Variants in GRM7 observed in about 807,000 individuals in gnomAD.
GRM7 encodes the protein glutamate metabotropic receptor 7, also known as metabotropic glutamate receptor 7.
In GRM7, 35 loss-of-function variants were observed where a neutral mutation model predicts 84.5. The observed-to-expected ratio is 0.41, with a 90% CI of 0.32 to 0.55. The LOEUF (loss-of-function observed/expected upper bound fraction) is 0.55. Among genes scored for constraint, GRM7 ranks in the 20% least tolerant of loss-of-function variants. The pLI, the probability that GRM7 is intolerant of heterozygous loss-of-function variation, is 0.19. For missense variants in GRM7, 1,003 were observed against 1,194.6 expected (o/e 0.84, Z 2.36); for synonymous variants, 487 against 455.1 (o/e 1.07, Z -0.89).
intron 4 of GRM7, among the ~76,000 whole-genome samples, chr3:7,384,718 C>T (rs963371799): frequency 5.3e-5 from 8 of 152,092 alleles, no homozygotes; most frequent in South Asian, 2.1e-4. Context: ...AACAGCCACA[C>T]GGGGCTGGTG....
chr3:7,301,401 T>G (rs1237416283), intron 3 of GRM7, among the ~76,000 whole-genome samples: 1 of 152,212 alleles, frequency 6.6e-6, no homozygotes, highest in Non-Finnish European at 1.5e-5. Flanking sequence ...AAAAAATATC[T>G]GCTAATACCC....
chr3:7,122,482 A>G (rs1205049774), intron 1 of GRM7, among the ~76,000 whole-genome samples: 21 of 152,214 alleles, frequency 1.4e-4, no homozygotes, highest in Admixed American at 1.4e-3. Context: ...CAAATATTAA[A>G]AATTAATTAA....
chr3:7,401,551 G>A (rs1695453463), intron 4 of GRM7, among the ~76,000 whole-genome samples: 1 of 152,016 alleles, frequency 6.6e-6, no homozygotes, highest in Admixed American at 6.6e-5. Flanking sequence ...TCTGGCGGCA[G>A]ATTGAAGTTA....
intron 1 of GRM7, among the ~76,000 whole-genome samples, chr3:7,016,625 C>T (rs1409352031): frequency 1.3e-5 from 2 of 152,126 alleles, no homozygotes; most frequent in East Asian, 1.9e-4. Context: ...CTGTCAATAT[C>T]GGTTCCGTGG....
In GRM7 at chr3:7,073,614, C is replaced by T. The variant is rs116708410; in HGVS notation, c.520-72838C>T. On this transcript the variant is annotated intron_variant, in intron 1 of 9. Transcript: ENST00000357716. ...TATTTTAGAAAAAGAAACACTGCAT[C>T]TGTTGAACATAGAAACACCTGTTGC... is the stretch of plus-strand genomic sequence containing the variant. Among the ~76,000 whole-genome samples, 618 of 152,236 alleles carry T rather than the reference C, an allele frequency of 4.1e-3. 4 individuals are homozygous for T. Among genetic ancestry groups the T allele is most frequent in the African/African-American group, 0.014 (577 of 41,540 alleles).
At chr3:7,629,000 C>A (rs755895093) in intron 8 of GRM7, among the ~76,000 whole-genome samples, 2 of 152,112 alleles carry the variant, frequency 1.3e-5, no homozygotes, top group Non-Finnish European at 2.9e-5. Context: ...TCTACCTACT[C>A]CATCCTCAAA....
intron 1 of GRM7, among the ~76,000 whole-genome samples, chr3:7,000,633 C>G (rs1191087609): frequency 6.6e-6 from 1 of 152,190 alleles, no homozygotes; most frequent in African/African-American, 2.4e-5. Flanking sequence ...GAAGAATCCC[C>G]AGATCTTAGT....
At chr3:7,668,192 A>C (rs1245109576) in intron 8 of GRM7, among the ~76,000 whole-genome samples, 3 of 152,170 alleles carry the variant, frequency 2.0e-5, no homozygotes, top group African/African-American at 7.2e-5. Context: ...TACTGCAGGG[A>C]AAGTGTGTGC....
intron 7 of GRM7, chr3:7,520,184 C>T (rs1700541867): frequency 6.6e-6 from 1 of 152,086 alleles, no homozygotes; most frequent in African/African-American, 2.4e-5. Flanking sequence ...AGAGGAGTGT[C>T]ACTCATATAA....
intron 2 of GRM7, 133 bp from the exon 3 acceptor site, chr3:7,298,551 T>C (rs1353593292): frequency 4.3e-6 from 3 of 697,960 alleles, no homozygotes; most frequent in Admixed American, 2.7e-5. Context: ...TCTTATGCTG[T>C]CCTCGCTTAG....
chr3:7,348,649 C>T (rs754855191), intron 4 of GRM7, among the ~76,000 whole-genome samples: 6 of 152,134 alleles, frequency 3.9e-5, no homozygotes, highest in African/African-American at 7.2e-5. Flanking sequence ...GCTCCCACAT[C>T]CCTCAAAGAG....
intron 7 of GRM7, among the ~76,000 whole-genome samples, chr3:7,554,801 C>A (rs1478477010): frequency 6.6e-6 from 1 of 152,206 alleles, no homozygotes. Context: ...TATTGATGGA[C>A]AAAGTCCTAT....
chr3:7,209,135 A>G (rs985260739), intron 2 of GRM7, among the ~76,000 whole-genome samples: 2 of 152,218 alleles, frequency 1.3e-5, no homozygotes, highest in African/African-American at 2.4e-5. Context: ...ATTGTAAAAT[A>G]AAGTATTGAA....
chr3:7,063,686 A>C (rs1697513409), intron 1 of GRM7, among the ~76,000 whole-genome samples: 1 of 151,700 alleles, frequency 6.6e-6, no homozygotes, highest in Non-Finnish European at 1.5e-5. Flanking sequence ...TGGAAAAAGA[A>C]ACTAATTGGC....
chr3:7,579,081 A>G lies in GRM7; in HGVS notation c.2175A>G (p.Pro725=). The change falls in exon 8 of 10, where the codon CCA becomes CCG. Residue 725 remains proline, a synonymous_variant. Coordinates refer to ENST00000357716, the MANE Select transcript of GRM7 (RefSeq NM_000844.4). ...LGVFIWFGVD[P]PNIIIDYDEH... Reference sequence around the variant, plus strand: ...TGTTCATTTGGTTTGGTGTTGATCCACCCAACATCATCATAGACTATGATG... The same window carrying G: ...TGTTCATTTGGTTTGGTGTTGATCCGCCCAACATCATCATAGACTATGATG... The G allele has an allele frequency of 6.2e-7, 1 of 1,613,990 alleles. No individual in the cohort carries two copies.
intron 6 of GRM7, among the ~76,000 whole-genome samples, chr3:7,454,109 C>A (rs1430261337): frequency 1.3e-5 from 2 of 151,956 alleles, no homozygotes; most frequent in Admixed American, 6.6e-5. Context: ...CTCTCTCTCT[C>A]TCTCTCTCTC....
intron 1 of GRM7, among the ~76,000 whole-genome samples, chr3:7,106,490 T>A (rs1297275433): frequency 6.6e-6 from 1 of 151,926 alleles, no homozygotes; most frequent in African/African-American, 2.4e-5. Flanking sequence ...CAAATGTGAA[T>A]GATAATTTTT....
chr3:7,001,212 T>A lies in GRM7; in HGVS notation c.519+139305T>A, dbSNP rs568068221. ...AGATTTTTTTAAAATTGTCTGGGCA[T>A]GGTGGTACATGCCTGTTGTCCCAGC... On this transcript the variant is annotated intron_variant, in intron 1 of 9. Transcript: ENST00000357716. Among the ~76,000 whole-genome samples the A allele has an allele frequency of 8.3e-4, 127 of 152,272 alleles. 1 individual carries two copies. Among genetic ancestry groups the A allele is most frequent in the African/African-American group, 2.8e-3 (117 of 41,554 alleles).
Position 7,144,642 on chromosome 3 carries a change from T to C in GRM7, c.520-1810T>C, listed in dbSNP as rs115108090. Among the ~76,000 whole-genome samples, 260 of 152,310 alleles carry C rather than the reference T, an allele frequency of 1.7e-3. 1 individual carries two copies. Among genetic ancestry groups the C allele is most frequent in the African/African-American group, 5.9e-3 (246 of 41,582 alleles). On this transcript the variant is annotated intron_variant, in intron 1 of 9. Coordinates refer to ENST00000357716, the MANE Select transcript of GRM7 (RefSeq NM_000844.4). ...CTGTTCCAGGCATCGTGCAAAGCAA[T>C]GCACATTCATTTTCCCTGTTTCTCA...
Sources: allele counts gnomAD v4.1 joint callset (sites outside exome capture counted in the v4.1 genomes callset), GRCh38; gene constraint gnomAD v4.1.1; transcripts MANE v1.5; gene names NCBI Gene and HGNC (gene_info 2026-07-23, HGNC 2026-07-21).